The following NT5C1B variants were observed in gnomAD, a reference collection of about 807,000 sequenced individuals.
NT5C1B encodes 5'-nucleotidase, cytosolic IB, also known as cytosolic 5'-nucleotidase 1B.
NT5C1B carries 44 observed loss-of-function variants against 57.8 expected under a neutral mutation model. The observed-to-expected ratio is 0.76, with a 90% CI of 0.60 to 0.98. The LOEUF (loss-of-function observed/expected upper bound fraction) is 0.98, where lower values mean the gene tolerates loss of function less well. Ranked by LOEUF, NT5C1B falls within the 50% of genes least tolerant of loss-of-function variation. NT5C1B has a pLI of 0.00. For synonymous variants in NT5C1B, 284 were observed against 282.6 expected (o/e 1.00, Z -0.05); for missense variants, 742 against 719.5 (o/e 1.03, Z -0.36).
At chr2:18,564,801 G>A (rs1664492744) in intron 8 of NT5C1B, among the ~76,000 whole-genome samples, 1 of 152,160 alleles carries the variant, frequency 6.6e-6, no homozygotes, top group South Asian at 2.1e-4. Context: ...AATTTTTAAA[G>A]GATTGTTCAA....
At chr2:18,577,000 C>G (rs1665744975) in intron 6 of NT5C1B, 105 bp from the exon 7 acceptor site, 6 of 1,553,482 alleles carry the variant, frequency 3.9e-6, no homozygotes, top group African/African-American at 2.8e-5. Context: ...TTTGTAAATT[C>G]AACTGGCTTT....
chr2:18,571,456 T>G (rs1176238085), intron 8 of NT5C1B, among the ~76,000 whole-genome samples: 1 of 151,616 alleles, frequency 6.6e-6, no homozygotes, highest in East Asian at 1.9e-4. Context: ...TAAAAAAATG[T>G]AATATCTGTG....
chr2:18,563,976 G>C (rs1328941548), exon 9 of NT5C1B: 1 of 1,614,134 alleles, frequency 6.2e-7, no homozygotes, highest in South Asian at 1.1e-5. Flanking sequence ...AGCGTCGAAG[G>C]GTCTTCAGCA....
exon 9 of NT5C1B, chr2:18,564,068 A>T: frequency 6.2e-7 from 1 of 1,607,498 alleles, no homozygotes. Flanking sequence ...TTTTTGGCAT[A>T]GAACTTCTTT....
chr2:18,584,639 C>A lies in NT5C1B; in HGVS notation c.598G>T (p.Asp200Tyr). ...TGCTGCTCGGACAGAGAGTTGCGGT[C>A]CAGCTGGGTGGAGGCGGGGTAGATC... The change falls in exon 4 of 9, where the codon GAC (aspartate) becomes TAC (tyrosine). Residue 200 changes from aspartate (D) to tyrosine (Y), a missense_variant. Coordinates refer to ENST00000304081, the Ensembl canonical transcript of NT5C1B. The surrounding 1 kb of genome is among the most constrained non-coding windows in gnomAD (Gnocchi z 5.8). 6.2e-7 allele frequency: 1 copy of A among 1,613,062 alleles called. No individual in the cohort carries two copies. Among genetic ancestry groups the A allele is most frequent in the Non-Finnish European group, 8.5e-7 (1 of 1,179,650 alleles).
intron 8 of NT5C1B, among the ~76,000 whole-genome samples, chr2:18,569,094 A>G (rs1441253714): frequency 6.6e-6 from 1 of 152,220 alleles, no homozygotes; most frequent in African/African-American, 2.4e-5. Context: ...CTGTAGCACA[A>G]AACATGAGAG....
intron 3 of NT5C1B, 142 bp downstream of exon 3, chr2:18,586,112 G>T: frequency 7.7e-7 from 1 of 1,293,734 alleles, no homozygotes; most frequent in Non-Finnish European, 1.0e-6. Context: ...GGATTTACGG[G>T]CAGAAGGGAG....
In NT5C1B at chr2:18,587,600, A is replaced by G. The variant is rs1300067704; in HGVS notation, c.31-8T>C. ...CCTCATTCCAGGCTCATTCTTGACA[A>G]GGAAACAAAGAATGTTTATTAATTT... is the stretch of plus-strand genomic sequence containing the variant. On this transcript the variant is annotated splice_region_variant and splice_polypyrimidine_tract_variant and intron_variant, in intron 1 of 8. Coordinates refer to ENST00000304081, the Ensembl canonical transcript of NT5C1B. 1.2e-6 allele frequency: 2 copies of G among 1,607,060 alleles called. No homozygotes were observed. Among genetic ancestry groups the G allele is most frequent in the Non-Finnish European group, 8.5e-7 (1 of 1,178,834 alleles).
intron 7 of NT5C1B, 53 bp downstream of exon 7, chr2:18,576,720 C>A: frequency 1.3e-6 from 2 of 1,595,300 alleles, no homozygotes; most frequent in South Asian, 1.1e-5. Context: ...TAATGTAAGT[C>A]ACCATTAGTG....
intron 1 of NT5C1B, among the ~76,000 whole-genome samples, chr2:18,588,564 T>A (rs1442487747): frequency 2.6e-5 from 4 of 152,328 alleles, no homozygotes; most frequent in Admixed American, 2.6e-4. Flanking sequence ...TACATAGCAG[T>A]CACCATAATA....
Position 18,572,479 on chromosome 2 carries a change from G to A in NT5C1B, c.1329+3705C>T, listed in dbSNP as rs1665293514. Among the ~76,000 whole-genome samples the A allele has an allele frequency of 3.3e-5, 5 of 152,150 alleles. No homozygotes were observed. In the South Asian group the frequency reaches 8.3e-4, roughly 25 times the overall value. ...TCAAAATTATAAGTTTCTGCTCACT[G>A]AAAAGCACTGAAAGATGTTAGAATG... On this transcript the variant is annotated intron_variant, in intron 8 of 8. Transcript: ENST00000304081.
At chr2:18,566,821 A>G (rs1025087313) in intron 8 of NT5C1B, among the ~76,000 whole-genome samples, 1 of 152,218 alleles carries the variant, frequency 6.6e-6, no homozygotes, top group African/African-American at 2.4e-5. Context: ...AGAAAACTCC[A>G]ATCTAAAAAA....
chr2:18,572,975 T>C (rs1471877704), intron 8 of NT5C1B, among the ~76,000 whole-genome samples: 1 of 152,210 alleles, frequency 6.6e-6, no homozygotes, highest in Non-Finnish European at 1.5e-5. Context: ...TGAAATCTTA[T>C]ATTTACACAG....
chr2:18,576,077 C>A (rs531106352), intron 8 of NT5C1B, 107 bp downstream of exon 8: 177 of 1,212,400 alleles, frequency 1.5e-4, no homozygotes, highest in Non-Finnish European at 1.9e-4. Flanking sequence ...AGAAGGAGTG[C>A]CCTGCCTAGA....
At chr2:18,563,038 G>A (rs1664312085) in exon 9 of NT5C1B, 1 of 149,832 alleles carries the variant, frequency 6.7e-6, no homozygotes. Context: ...TACACTTCAT[G>A]TCACTTTTTG....
intron 8 of NT5C1B, among the ~76,000 whole-genome samples, chr2:18,567,932 A>C (rs763399695): frequency 6.6e-6 from 1 of 152,194 alleles, no homozygotes; most frequent in Non-Finnish European, 1.5e-5. Flanking sequence ...GAATGGAACT[A>C]TATAAAGAGT....
chr2:18,587,711 G>T, intron 1 of NT5C1B, 119 bp from the exon 2 acceptor site: 10 of 1,175,696 alleles, frequency 8.5e-6, no homozygotes, highest in Non-Finnish European at 1.1e-5. Context: ...ATATAAAAAG[G>T]TATAAACTCT....
chr2:18,587,722 A>G (rs983339761), intron 1 of NT5C1B, 130 bp from the exon 2 acceptor site: 7 of 992,268 alleles, frequency 7.1e-6, no homozygotes, highest in Non-Finnish European at 9.9e-6. Flanking sequence ...TATAAACTCT[A>G]GACCTTAGTT....
At chr2:18,570,049 A>G (rs535780086) in intron 8 of NT5C1B, among the ~76,000 whole-genome samples, 2 of 152,278 alleles carry the variant, frequency 1.3e-5, no homozygotes, top group South Asian at 4.1e-4. Flanking sequence ...AACAATAGAA[A>G]GATATCTGAA....
Sources: gnomAD v4.1 joint callset for allele counts (sites outside exome capture counted in the v4.1 genomes callset) on GRCh38, gnomAD v4.1.1 for gene constraint, Gnocchi (gnomAD v3.1) non-coding constraint, MANE v1.5 for transcripts, NCBI Gene and HGNC (gene_info 2026-07-23, HGNC 2026-07-21) for gene names.